Variants in WAC observed in about 807,000 individuals in gnomAD.
The protein encoded by WAC is WW domain containing adaptor with coiled-coil.
Under a neutral mutation model 79.6 loss-of-function variants are expected in WAC, and 11 were observed. That is an observed-to-expected ratio of 0.14 (90% confidence interval 0.09 to 0.23). The LOEUF is 0.23. Among genes scored for constraint, WAC ranks in the 10% least tolerant of loss-of-function variants. WAC has a pLI of 1.00. For synonymous variants in WAC, 304 were observed against 276.9 expected (o/e 1.10, Z -0.97); for missense variants, 728 against 773.5 (o/e 0.94, Z 0.70).
chr10:28,599,894 TACA>T (rs1237537481), intron 7 of WAC, among the ~76,000 whole-genome samples: 2 of 152,300 alleles, frequency 1.3e-5, no homozygotes, highest in East Asian at 1.9e-4. Context: ...TGGACCACCA[TACA>T]ACAAGTAGAG....
At chr10:28,536,383 T>A (rs900398302) in intron 3 of WAC, among the ~76,000 whole-genome samples, 3 of 152,176 alleles carry the variant, frequency 2.0e-5, no homozygotes, top group Non-Finnish European at 4.4e-5. Context: ...TTTTAAAGAT[T>A]TCAGTTTGAG....
intron 3 of WAC, among the ~76,000 whole-genome samples, chr10:28,544,773 A>C (rs1399081879): frequency 6.6e-6 from 1 of 152,110 alleles, no homozygotes; most frequent in African/African-American, 2.4e-5. Context: ...GGTTAAAAAA[A>C]CAGAAAACGG....
At chr10:28,568,311 A>C (rs989878781) in intron 3 of WAC, among the ~76,000 whole-genome samples, 38 of 152,224 alleles carry the variant, frequency 2.5e-4, no homozygotes, top group African/African-American at 8.0e-4. Flanking sequence ...TGGCTTTTTA[A>C]GTCAATTGGA....
At chr10:28,566,120 A>T (rs1838589562) in intron 3 of WAC, among the ~76,000 whole-genome samples, 7 of 152,204 alleles carry the variant, frequency 4.6e-5, no homozygotes, top group Admixed American at 4.6e-4. Context: ...GTTTTGTTTG[A>T]TGCCTAATAA....
intron 6 of WAC, among the ~76,000 whole-genome samples, chr10:28,594,255 T>A (rs967730776): frequency 1.3e-5 from 2 of 152,172 alleles, no homozygotes; most frequent in African/African-American, 4.8e-5. Context: ...ACTAGCGATA[T>A]AGAACTGAAA....
In WAC at chr10:28,620,791, A is replaced by G. The variant is rs947712063; in HGVS notation, c.*1185A>G. The stretch of plus-strand genomic sequence containing the variant: ...TAAACCCTGGTTTACCTGTCTTGCT[A>G]TTATGACATTTCATTTGGAAGGATG... On this transcript the variant is annotated 3_prime_UTR_variant, in exon 14 of 14. Coordinates refer to ENST00000354911, the MANE Select transcript of WAC (RefSeq NM_016628.5). 1 of 152,200 alleles carries G rather than the reference A, an allele frequency of 6.6e-6. No individual in the cohort carries two copies. Among genetic ancestry groups the G allele is most frequent in the Admixed American group, 6.5e-5 (1 of 15,280 alleles). The allele number at this position is 152,200 out of a possible 1,614,324, so 9.4% of individuals were successfully genotyped here.
At chr10:28,547,204 C>G (rs891399127) in intron 3 of WAC, among the ~76,000 whole-genome samples, 6 of 152,084 alleles carry the variant, frequency 3.9e-5, no homozygotes, top group Admixed American at 2.6e-4. Context: ...TTTAAAAGCA[C>G]TTTTTGCTTT....
chr10:28,612,043 A>G, intron 10 of WAC, 121 bp downstream of exon 10: 2 of 1,243,822 alleles, frequency 1.6e-6, no homozygotes, highest in Non-Finnish European at 2.2e-6. Flanking sequence ...GGAATGAATG[A>G]CAGGTATGAT....
intron 3 of WAC, among the ~76,000 whole-genome samples, chr10:28,554,198 G>A (rs1837857838): frequency 6.6e-6 from 1 of 152,100 alleles, no homozygotes; most frequent in South Asian, 2.1e-4. Context: ...CACAGGATGT[G>A]CATAGGTTAT....
intron 3 of WAC, chr10:28,538,331 C>T: frequency 6.0e-6 from 2 of 333,076 alleles, no homozygotes; most frequent in Non-Finnish European, 1.3e-5. Flanking sequence ...GCCGGAATCT[C>T]AGCACTTTGG....
At chr10:28,607,831 A>G (rs929791712) in intron 7 of WAC, among the ~76,000 whole-genome samples, 1 of 152,226 alleles carries the variant, frequency 6.6e-6, no homozygotes, top group Non-Finnish European at 1.5e-5. Flanking sequence ...CTTTTATCCT[A>G]ATGGAAGCTT....
intron 3 of WAC, among the ~76,000 whole-genome samples, chr10:28,577,353 G>A (rs1177732169): frequency 6.6e-6 from 1 of 152,024 alleles, no homozygotes; most frequent in African/African-American, 2.4e-5. Flanking sequence ...TCTCTTGAAA[G>A]TAATTGATTT....
In WAC at chr10:28,534,101, G is replaced by A. The variant is rs1237648464; in HGVS notation, c.78+67G>A. The A allele has an allele frequency of 6.1e-6, 9 of 1,478,038 alleles. No individual in the cohort carries two copies. The African/African-American group carries it at 8.8e-5, about 15-fold the overall frequency. 91.6% of individuals were successfully genotyped at this position (1,478,038 alleles called of 1,614,324 possible). ...AGGGGGAAGGGAGGGACTGCTACTCGAGCGCAGGCCTCAGAAGTCGATACA... is the reference window on the plus strand; with the variant it reads ...AGGGGGAAGGGAGGGACTGCTACTCAAGCGCAGGCCTCAGAAGTCGATACA... On this transcript the variant is annotated intron_variant, in intron 2 of 13. Coordinates refer to ENST00000354911, the MANE Select transcript of WAC (RefSeq NM_016628.5).
rs912470688 is a variant in WAC, at chr10:28,535,711, T to C, written c.228T>C (p.Ser76=). 6.2e-7 allele frequency: 1 copy of C among 1,614,060 alleles called. No homozygotes were observed. Among genetic ancestry groups the C allele is most frequent in the Admixed American group, 1.7e-5 (1 of 59,990 alleles). ...ENKYSDSTGH[S]KAKNVHTHRV... is the part of the protein sequence containing the mutation. ...AATACAGTGACAGCACAGGTCACAG[T>C]AAGGCCAAAAATGTGCATACTCACA... The change falls in exon 3 of 14, where the codon AGT becomes AGC. Residue 76 remains serine, a synonymous_variant. Transcript: ENST00000354911.
chr10:28,603,414 T>C (rs573122559), intron 7 of WAC, among the ~76,000 whole-genome samples: 66 of 152,328 alleles, frequency 4.3e-4, no homozygotes, highest in Admixed American at 1.6e-3. Flanking sequence ...AGGGCTGATA[T>C]ATTCTTCAAG....
chr10:28,538,948 T>C (rs1836846800), intron 3 of WAC, among the ~76,000 whole-genome samples: 1 of 151,944 alleles, frequency 6.6e-6, no homozygotes, highest in African/African-American at 2.4e-5. Context: ...TGAGTTGGAT[T>C]ATCTAAGCTC....
chr10:28,541,876 C>T (rs539097677), intron 3 of WAC, among the ~76,000 whole-genome samples: 7 of 152,200 alleles, frequency 4.6e-5, no homozygotes, highest in Non-Finnish European at 8.8e-5. Flanking sequence ...CTAGTGTTCC[C>T]GAGTCCATTT....
In WAC at chr10:28,535,473, A is replaced by G. The variant is rs1836593217; in HGVS notation, c.79-89A>G. On this transcript the variant is annotated intron_variant, in intron 2 of 13. Coordinates refer to ENST00000354911, the MANE Select transcript of WAC (RefSeq NM_016628.5). ...TTAATTTTGTAAGTTCATAAAATTTAATGATAATACACCAAAGTTTATGTT... is the reference window on the plus strand; with the variant it reads ...TTAATTTTGTAAGTTCATAAAATTTGATGATAATACACCAAAGTTTATGTT... 4 of 1,387,416 alleles carry G rather than the reference A, an allele frequency of 2.9e-6. No individual in the cohort carries two copies. In the African/African-American group the frequency reaches 5.8e-5, roughly 20 times the overall value. The allele number at this position is 1,387,416 out of a possible 1,614,324, so 85.9% of individuals were successfully genotyped here.
intron 3 of WAC, among the ~76,000 whole-genome samples, chr10:28,579,285 TTGTGTGACCCAG>T (rs796297599): frequency 2.0e-5 from 3 of 152,170 alleles, no homozygotes; most frequent in African/African-American, 7.2e-5. Context: ...TTTTGGATCA[TTGTGTGACCCAG>T]TGTGTGACCC....
Sources: allele counts gnomAD v4.1 joint callset (sites outside exome capture counted in the v4.1 genomes callset), GRCh38; gene constraint gnomAD v4.1.1; transcripts MANE v1.5; gene names NCBI Gene and HGNC (gene_info 2026-07-23, HGNC 2026-07-21).